The following SHANK1 variants were observed in gnomAD, a reference collection of about 807,000 sequenced individuals.
SHANK1 encodes SH3 and multiple ankyrin repeat domains protein 1.
Under a neutral mutation model 165.6 loss-of-function variants are expected in SHANK1, and 35 were observed. The observed-to-expected ratio is 0.21, with a 90% confidence interval of 0.16 to 0.28. The LOEUF is 0.28. SHANK1 is among the 10% of genes least tolerant of loss of function. The probability of loss-of-function intolerance (pLI) is 1.00; values close to 1 mark genes in which losing one functional copy is unlikely to be tolerated. For synonymous variants in SHANK1, 1,428 were observed against 1,384.8 expected, an observed-to-expected ratio of 1.03 and a Z score of -0.69; for missense variants, 2,681 against 3,036.4, an observed-to-expected ratio of 0.88 and a Z score of 2.75.
chr19:50,685,899 C>T (rs1986316305), intron 21 of SHANK1, among the ~76,000 whole-genome samples: 2 of 151,920 alleles, frequency 1.3e-5, no homozygotes, highest in Non-Finnish European at 2.9e-5. Flanking sequence ...TATTATTATG[C>T]CGGGGAATCT....
intron 12 of SHANK1, among the ~76,000 whole-genome samples, chr19:50,700,365 G>A (rs918084157): frequency 2.0e-5 from 3 of 151,658 alleles, no homozygotes; most frequent in South Asian, 4.2e-4. Context: ...CGGGGCATAG[G>A]AGGATTGGAG....
chr19:50,694,853 C>T (rs1986678100), intron 15 of SHANK1, among the ~76,000 whole-genome samples: 1 of 150,012 alleles, frequency 6.7e-6, no homozygotes, highest in Non-Finnish European at 1.5e-5. Context: ...CCACCGCGGG[C>T]CGGGGCCTGC....
chr19:50,673,089 C>T (rs1168926372), intron 21 of SHANK1, among the ~76,000 whole-genome samples: 1 of 152,120 alleles, frequency 6.6e-6, no homozygotes, highest in African/African-American at 2.4e-5. Flanking sequence ...CTTCCTGGAG[C>T]AGCCCACAGC....
rs1986502108 is a variant in SHANK1, at chr19:50,690,320, G to A, written c.1965-1041C>T. Among the ~76,000 whole-genome samples, 1 of 152,042 alleles carries A rather than the reference G, an allele frequency of 6.6e-6. No individual in the cohort carries two copies. The highest frequency in any genetic ancestry group is 1.5e-5 in the Non-Finnish European group (1 of 68,008). On this transcript the variant is annotated intron_variant, in intron 15 of 23. Coordinates refer to ENST00000293441, the MANE Select transcript of SHANK1 (RefSeq NM_016148.5). The surrounding 1 kb of genome is among the most constrained non-coding windows in gnomAD (Gnocchi z 4.9). ...CTCAGATACAGTTCATGGATCTCAAGGCTCACTCAAACAGCCCCAAACTCC... is the reference window on the plus strand; with the variant it reads ...CTCAGATACAGTTCATGGATCTCAAAGCTCACTCAAACAGCCCCAAACTCC...
In SHANK1 at chr19:50,697,970, G is replaced by A. The variant is rs376930496; in HGVS notation, c.1748-14C>T. On this transcript the variant is annotated splice_polypyrimidine_tract_variant and intron_variant, in intron 12 of 23. Transcript: ENST00000293441. This position sits in a 1 kb window ranked among gnomAD's most constrained non-coding sequence, Gnocchi z 4.7. ...CGATGCTAAGTACTGGATGGGGAAC[G>A]GGGACATAGAGACATTTCTGTGTTT... 2.0e-5 allele frequency: 32 copies of A among 1,573,558 alleles called. No homozygotes were observed. Among genetic ancestry groups the A allele is most frequent in the African/African-American group, 1.5e-4 (11 of 74,096 alleles).
Position 50,702,371 on chromosome 19 carries a change from T to C in SHANK1, c.1747+96A>G. On this transcript the variant is annotated intron_variant, in intron 12 of 23. Coordinates refer to ENST00000293441, the MANE Select transcript of SHANK1 (RefSeq NM_016148.5). The surrounding 1 kb of genome is among the most constrained non-coding windows in gnomAD (Gnocchi z 5.3). ...GAGGTCTCCAGAGTGCATGAGATACTCCAGGTGCCCGAGAATGGTCTGCTC... is the reference window on the plus strand; with the variant it reads ...GAGGTCTCCAGAGTGCATGAGATACCCCAGGTGCCCGAGAATGGTCTGCTC... 9.0e-7 allele frequency: 1 copy of C among 1,115,678 alleles called. No individual in the cohort carries two copies. The highest frequency in any genetic ancestry group is 1.3e-6 in the Non-Finnish European group (1 of 793,550). 69.1% of individuals were successfully genotyped at this position (1,115,678 alleles called of 1,614,324 possible).
At chr19:50,676,013 A>G (rs1235137013) in intron 21 of SHANK1, among the ~76,000 whole-genome samples, 1 of 151,036 alleles carries the variant, frequency 6.6e-6, no homozygotes, top group Non-Finnish European at 1.5e-5. Context: ...ATAGAATAAA[A>G]TAAGGGCTGG....
At position 50,702,055 on chromosome 19, in the gene SHANK1, C is replaced by G. The variant is rs1454488823; in HGVS notation, c.1747+412G>C. ...AGTTAAGGCTGCTCGGCCTCACGCT[C>G]TGCACCAGGTGGCAGGAAGGACTGT... On this transcript the variant is annotated intron_variant, in intron 12 of 23. Coordinates refer to ENST00000293441, the MANE Select transcript of SHANK1 (RefSeq NM_016148.5). The surrounding 1 kb of genome is among the most constrained non-coding windows in gnomAD (Gnocchi z 5.3). Among the ~76,000 whole-genome samples, 1 of 152,238 alleles carries G rather than the reference C, an allele frequency of 6.6e-6. No individual in the cohort carries two copies. Among genetic ancestry groups the G allele is most frequent in the South Asian group, 2.1e-4 (1 of 4,834 alleles).
intron 21 of SHANK1, among the ~76,000 whole-genome samples, chr19:50,684,229 GTT>G (rs199744718): frequency 1.4e-5 from 2 of 147,144 alleles, no homozygotes; most frequent in East Asian, 4.0e-4. Flanking sequence ...AAGGAAGAAG[GTT>G]TTTTTTTTTT....
chr19:50,688,824 G>C lies in SHANK1; in HGVS notation c.2172+20C>G. On this transcript the variant is annotated intron_variant, in intron 17 of 23. Transcript: ENST00000293441. The surrounding 1 kb of genome is among the most constrained non-coding windows in gnomAD (Gnocchi z 6.7). ...GAACTTGTCACAGGGTCCCAGGGAA[G>C]AGAGGGGGCCTGGACTGACCTCGAT... 1 of 1,604,458 alleles carries C rather than the reference G, an allele frequency of 6.2e-7. No homozygotes were observed. The highest frequency in any genetic ancestry group is 1.3e-5 in the African/African-American group (1 of 74,844).
At position 50,662,693 on chromosome 19, in the gene SHANK1, A is replaced by T; in HGVS notation, c.5769-11T>A. On this transcript the variant is annotated splice_polypyrimidine_tract_variant and intron_variant, in intron 23 of 23. Transcript: ENST00000293441. The surrounding 1 kb of genome is among the most constrained non-coding windows in gnomAD (Gnocchi z 7.7). ...GAGTCGTCGGAGAGTCTGGAATGTG[A>T]CAAGGGGGCAGTGGGGGAGGACAGG... 6.5e-7 allele frequency: 1 copy of T among 1,539,736 alleles called. No individual in the cohort carries two copies. The highest frequency in any genetic ancestry group is 1.2e-5 in the South Asian group (1 of 84,230).
In SHANK1 at chr19:50,686,782, C is replaced by A. The variant is rs768561501; in HGVS notation, c.2420G>T (p.Ser807Ile). 2.2e-5 allele frequency: 35 copies of A among 1,613,818 alleles called. No homozygotes were observed. Among genetic ancestry groups the A allele is most frequent in the Non-Finnish European group, 2.9e-5 (34 of 1,179,816 alleles). Residue 807 changes from serine to isoleucine, a missense_variant, in exon 20 of 24, where the codon AGC becomes ATC. By Grantham distance (142) the Ser-to-Ile change is moderately radical (BLOSUM62 -2). This residue lies in a region of SHANK1 where 206 missense variants were observed against 216.0 expected (regional missense o/e 0.95). Coordinates refer to ENST00000293441, the MANE Select transcript of SHANK1 (RefSeq NM_016148.5). This position sits in a 1 kb window ranked among gnomAD's most constrained non-coding sequence, Gnocchi z 5.7. ...EYEQQPAPVP[S>I]MEKKRTVYQM... ...ATACACGGTCCGCTTTTTCTCCATG[C>A]TGGGCACCGGCGCCGGCTGCTGCTC... is the stretch of plus-strand genomic sequence containing the variant.
intron 8 of SHANK1, among the ~76,000 whole-genome samples, chr19:50,705,517 C>A (rs921802081): frequency 6.6e-6 from 1 of 152,154 alleles, no homozygotes; most frequent in African/African-American, 2.4e-5. Context: ...TGCTATGTTC[C>A]ACTGGATGTT....
intron 21 of SHANK1, among the ~76,000 whole-genome samples, chr19:50,682,694 G>A (rs973271177): frequency 6.6e-6 from 1 of 152,110 alleles, no homozygotes; most frequent in Non-Finnish European, 1.5e-5. Flanking sequence ...TGAAGAAATG[G>A]GATTAGTGGG....
In SHANK1 at chr19:50,666,200, C is replaced by T; in HGVS notation, c.5760G>A (p.Gln1920=). The T allele has an allele frequency of 1.3e-6, 2 of 1,595,882 alleles. No homozygotes were observed. The highest frequency in any genetic ancestry group is 1.1e-5 in the South Asian group (1 of 88,216). Residue 1920 remains glutamine, a synonymous_variant, in exon 23 of 24, where the codon CAG becomes CAA. Coordinates refer to ENST00000293441, the MANE Select transcript of SHANK1 (RefSeq NM_016148.5). ...SYVPERTSSL[Q]RQRLSDDSQS... ...CACCAGCCCCCGCTTACCTCTGCCG[C>T]TGCAGGGAGGAGGTCCTCTCGGGGA...
chr19:50,670,068 G>A lies in SHANK1; in HGVS notation c.2675-783C>T, dbSNP rs1985737645. Among the ~76,000 whole-genome samples the A allele has an allele frequency of 6.6e-6, 1 of 152,056 alleles. No individual in the cohort carries two copies. Among genetic ancestry groups the A allele is most frequent in the Non-Finnish European group, 1.5e-5 (1 of 68,008 alleles). On this transcript the variant is annotated intron_variant, in intron 22 of 23. Transcript: ENST00000293441. This position sits in a 1 kb window ranked among gnomAD's most constrained non-coding sequence, Gnocchi z 4.1. ...TGCCTGGGGCCCCATCCTCCGCCCT[G>A]AGCTCTGGGCCCCTATATTCAAATA...
At chr19:50,701,620 C>G (rs1028955914) in intron 12 of SHANK1, among the ~76,000 whole-genome samples, 2 of 152,170 alleles carry the variant, frequency 1.3e-5, no homozygotes, top group Admixed American at 1.3e-4. Context: ...CCAGAGAAAT[C>G]ACTTGGCTGA....
intron 8 of SHANK1, among the ~76,000 whole-genome samples, chr19:50,705,209 G>C (rs1342335378): frequency 1.3e-5 from 2 of 152,076 alleles, no homozygotes; most frequent in Non-Finnish European, 2.9e-5. Context: ...AGGCGTGGTG[G>C]TGGGCGTGTG....
rs766123616 is a variant in SHANK1 at position 50,666,731 on chromosome 19, G to A, written c.5229C>T (p.Pro1743=). The change falls in exon 23 of 24, where the codon CCC becomes CCT. Residue 1743 remains proline (P), a synonymous_variant. Coordinates refer to ENST00000293441, the MANE Select transcript of SHANK1 (RefSeq NM_016148.5). ...DGQAFGGSST[P]GPPYPPQLMT... ...TGAGCTGAGGAGGGTATGGCGGGCC[G>A]GGAGTACTGCTGCCCCCAAAGGCCT... 14 of 1,568,670 alleles carry A rather than the reference G, an allele frequency of 8.9e-6. No homozygotes were observed. In the Admixed American group the frequency reaches 1.7e-4, roughly 19 times the overall value.
Sources: allele counts gnomAD v4.1 joint callset (sites outside exome capture counted in the v4.1 genomes callset), GRCh38; gene constraint gnomAD v4.1.1; regional missense constraint gnomAD v4.1.1; non-coding constraint Gnocchi (gnomAD v3.1); transcripts MANE v1.5; gene names NCBI Gene and HGNC (gene_info 2026-07-23, HGNC 2026-07-21).